Variants in RPGR observed in about 807,000 individuals in gnomAD.
RPGR encodes retinitis pigmentosa GTPase regulator, also known as X-linked retinitis pigmentosa GTPase regulator.
In RPGR, 10 loss-of-function variants were observed where a neutral mutation model predicts 56.3. The ratio of observed to expected loss-of-function variants is 0.18; its 90% CI spans 0.11 to 0.30. RPGR has a LOEUF of 0.30. Ranked by LOEUF, RPGR falls within the 10% of genes least tolerant of loss-of-function variation. The pLI, the probability that RPGR is intolerant of heterozygous loss-of-function variation, is 1.00. For synonymous variants in RPGR, 197 were observed against 212.9 expected (o/e 0.93, Z 0.65); for missense variants, 538 against 590.9 (o/e 0.91, Z 0.93).
At chrX:38,283,120 G>C (rs1229068447) in intron 15 of RPGR, among the ~76,000 whole-genome samples, 2 of 110,817 alleles carry the variant, frequency 1.8e-5, no homozygotes, top group Non-Finnish European at 3.8e-5. Flanking sequence ...ATGAAAGCCT[G>C]GATAGACCTG....
intron 18 of RPGR, chrX:38,269,900 G>T: frequency 1.3e-6 from 1 of 789,529 alleles, no homozygotes; most frequent in South Asian, 2.2e-5. Context: ...CAGTATTTAG[G>T]GGATATCATT....
intron 15 of RPGR, among the ~76,000 whole-genome samples, chrX:38,280,706 T>C (rs938934867): frequency 1.8e-5 from 2 of 111,071 alleles, no homozygotes; most frequent in Middle Eastern, 4.6e-3. Context: ...ACTAATCTTT[T>C]AATTTTTTTG....
chrX:38,297,604 CA>C lies in RPGR; in HGVS notation c.1246-153del. The C allele has an allele frequency of 8.1e-6, 4 of 493,747 alleles. No individual in the cohort carries two copies. The South Asian group carries it at 1.4e-4, about 17-fold the overall frequency. 40.7% of individuals were successfully genotyped at this position (493,747 alleles called of 1,213,427 possible). On this transcript the variant is annotated intron_variant, in intron 10 of 18. Transcript: ENST00000642395. ...TACTTCTTAATAATCCCCAAAGGCT[CA>C]AAAACATTTTGCTCTGTTGTCTCTG...
intron 8 of RPGR, 35 bp from the exon 9 acceptor site, chrX:38,301,406 G>C (rs1164626181): frequency 8.9e-7 from 1 of 1,125,970 alleles, no homozygotes; most frequent in Non-Finnish European, 1.2e-6. Flanking sequence ...AATTATAAAA[G>C]TGTTACTTGT....
At chrX:38,309,476 G>C (rs1601959085) in intron 7 of RPGR, among the ~76,000 whole-genome samples, 1 of 112,460 alleles carries the variant, frequency 8.9e-6, no homozygotes, top group East Asian at 2.8e-4. Flanking sequence ...ATATACATGA[G>C]AAAAATTGTT....
At chrX:38,324,068 T>A (rs1027574111) in intron 1 of RPGR, among the ~76,000 whole-genome samples, 2 of 111,941 alleles carry the variant, frequency 1.8e-5, no homozygotes, top group African/African-American at 6.5e-5. Flanking sequence ...GGAAACAATG[T>A]TAGCCCAAAT....
At position 38,318,921 on chromosome X, in the gene RPGR, T is replaced by C; in HGVS notation, c.377A>G (p.Glu126Gly). The change falls in exon 5 of 19, where the codon GAA becomes GGA. Residue 126 changes from glutamate (E) to glycine (G), a missense_variant. By Grantham distance (98) the Glu-to-Gly change is moderately conservative (BLOSUM62 -2). This residue lies in a region of RPGR where 181 missense variants were observed against 265.1 expected (regional missense o/e 0.68). Transcript: ENST00000642395. The stretch of plus-strand genomic sequence containing the variant: ...GCTAATTACATGAAAAGTGTTTCTT[T>C]CTTCGGTGTCACCAAGCCCCAACTG... 1.7e-6 allele frequency: 2 copies of C among 1,211,940 alleles called. No individual in the cohort carries two copies. The highest frequency in any genetic ancestry group is 2.2e-6 in the Non-Finnish European group (2 of 895,446).
chrX:38,277,955 T>C (rs993327343), intron 15 of RPGR, among the ~76,000 whole-genome samples: 6 of 112,116 alleles, frequency 5.4e-5, no homozygotes, highest in African/African-American at 1.9e-4. Context: ...CTCAGGCCAA[T>C]TGCAAAGGCG....
rs141397294 is a variant in RPGR at position 38,309,841 on chromosome X, T to C, written c.778+774A>G. ...GAAACTCCGTCTCAAAAAAAAACAG[T>C]TAAGGTCATGAAAATGTAAATTATG... On this transcript the variant is annotated intron_variant, in intron 7 of 18. Transcript: ENST00000642395. Among the ~76,000 whole-genome samples, 1,031 of 111,203 alleles carry C rather than the reference T, an allele frequency of 9.3e-3. 14 individuals are homozygous for C. The highest frequency in any genetic ancestry group is 0.031 in the African/African-American group (957 of 30,611).
rs768570309 is a variant in RPGR at position 38,287,197 on chromosome X, A to G, written c.1802T>C (p.Ile601Thr). The G allele has an allele frequency of 8.3e-7, 1 of 1,210,103 alleles. No individual in the cohort carries two copies. The change falls in exon 15 of 19, where the codon ATA becomes ACA. Residue 601 changes from isoleucine (I) to threonine (T), a missense_variant. By Grantham distance (89) the Ile-to-Thr change is moderately conservative. Coordinates refer to ENST00000642395, the MANE Select transcript of RPGR (RefSeq NM_000328.3). The stretch of plus-strand genomic sequence containing the variant: ...ATTTGCTTCTACCTCTTGCTCCTCT[A>G]TTCCATTTCCTTTTGAATCCTCTGC...
chrX:38,275,464 T>A (rs1477590558), intron 16 of RPGR, among the ~76,000 whole-genome samples: 1 of 112,343 alleles, frequency 8.9e-6, no homozygotes, highest in African/African-American at 3.2e-5. Flanking sequence ...TTTAATGATT[T>A]CTATGTTAAA....
At chrX:38,278,591 T>C (rs2066977846) in intron 15 of RPGR, among the ~76,000 whole-genome samples, 1 of 112,570 alleles carries the variant, frequency 8.9e-6, no homozygotes, top group Non-Finnish European at 1.9e-5. Flanking sequence ...TAGCCAGGTA[T>C]ACATTATGGG....
chrX:38,314,648 T>C (rs1984624316), intron 6 of RPGR, among the ~76,000 whole-genome samples: 1 of 112,087 alleles, frequency 8.9e-6, no homozygotes, highest in Admixed American at 9.5e-5. Context: ...GAAAACTCCA[T>C]AGATTTTATT....
At chrX:38,275,182 T>C (rs1444789558) in intron 16 of RPGR, 5 of 1,128,999 alleles carry the variant, frequency 4.4e-6, no homozygotes, top group Non-Finnish European at 1.2e-6. Context: ...ACAAAAAATA[T>C]TTTTGTGCTG....
chrX:38,288,435 T>TGGC (rs1214109352), intron 13 of RPGR, among the ~76,000 whole-genome samples: 1 of 112,097 alleles, frequency 8.9e-6, no homozygotes, highest in Non-Finnish European at 1.9e-5. Flanking sequence ...CCTGGCACAG[T>TGGC]GGCTCACACC....
intron 4 of RPGR, 21 bp from the exon 5 acceptor site, chrX:38,319,008 GTCAATAGACTA>G: frequency 8.3e-7 from 1 of 1,206,995 alleles, no homozygotes; most frequent in Non-Finnish European, 1.1e-6. Context: ...AAAAGAAAAC[GTCAATAGACTA>G]TAGAGTCCCC....
intron 15 of RPGR, chrX:38,279,027 T>C (rs2066983785): frequency 7.9e-6 from 2 of 252,878 alleles, no homozygotes; most frequent in Non-Finnish European, 1.5e-5. Context: ...TTTGGAACTA[T>C]ATCATTTTCT....
At chrX:38,309,044 C>T (rs73192560) in intron 7 of RPGR, among the ~76,000 whole-genome samples, 2,568 of 111,442 alleles carry the variant, frequency 0.023, 50 homozygotes, top group Middle Eastern at 0.038. Context: ...TTTTTTTGTG[C>T]AAAAAATATA....
chrX:38,280,300 C>CT (rs1269250974), intron 15 of RPGR, among the ~76,000 whole-genome samples: 3 of 111,013 alleles, frequency 2.7e-5, no homozygotes, highest in Non-Finnish European at 5.7e-5. Context: ...TAAGTTTGGA[C>CT]TTTTTTTTCC....
Sources: gnomAD v4.1 joint callset for allele counts (sites outside exome capture counted in the v4.1 genomes callset) on GRCh38, gnomAD v4.1.1 for gene constraint, gnomAD v4.1.1 regional missense constraint, MANE v1.5 for transcripts, NCBI Gene and HGNC (gene_info 2026-07-23, HGNC 2026-07-21) for gene names.